The following NAALADL2 variants were observed in gnomAD, a reference collection of about 807,000 sequenced individuals.
NAALADL2 encodes the protein N-acetylated alpha-linked acidic dipeptidase like 2, also known as inactive N-acetylated-alpha-linked acidic dipeptidase-like protein 2.
Under a neutral mutation model 87.2 loss-of-function variants are expected in NAALADL2, and 76 were observed. The observed-to-expected ratio is 0.87, with a 90% CI of 0.72 to 1.05. The LOEUF (loss-of-function observed/expected upper bound fraction) is 1.05. NAALADL2 is among the 50% of genes least tolerant of loss of function. NAALADL2 has a pLI of 0.00. For missense variants in NAALADL2, 1,089 were observed against 945.8 expected, an observed-to-expected ratio of 1.15 and a Z score of -1.99; for synonymous variants, 354 against 331.0, an observed-to-expected ratio of 1.07 and a Z score of -0.75.
At chr3:174,704,225 A>G (rs1335821690) in intron 2 of NAALADL2, among the ~76,000 whole-genome samples, 1 of 152,120 alleles carries the variant, frequency 6.6e-6, no homozygotes, top group Non-Finnish European at 1.5e-5. Flanking sequence ...CTACAGTAGG[A>G]CCTTGAAAGA....
chr3:174,893,980 T>C (rs112224303), intron 1 of NAALADL2, among the ~76,000 whole-genome samples: 47 of 152,192 alleles, frequency 3.1e-4, no homozygotes, highest in Non-Finnish European at 5.9e-4. Flanking sequence ...AGAAACACTT[T>C]ACCTGTGAAG....
intron 10 of NAALADL2, among the ~76,000 whole-genome samples, chr3:175,623,283 T>A (rs1488309704): frequency 3.1e-5 from 2 of 64,962 alleles, no homozygotes; most frequent in Admixed American, 2.1e-4. Context: ...ATACAGCTTT[T>A]ATTTGTGCCT....
intron 5 of NAALADL2, among the ~76,000 whole-genome samples, chr3:175,421,120 T>C (rs1446903285): frequency 6.6e-6 from 1 of 152,034 alleles, no homozygotes; most frequent in Non-Finnish European, 1.5e-5. Context: ...TCAAGAATGA[T>C]TTCTTAAATC....
At chr3:175,510,781 A>T (rs13087888) in intron 9 of NAALADL2, among the ~76,000 whole-genome samples, 1 of 152,112 alleles carries the variant, frequency 6.6e-6, no homozygotes, top group Non-Finnish European at 1.5e-5. Flanking sequence ...GAATGCCTGG[A>T]TTTAAATCCC....
At chr3:174,971,729 G>A (rs1390527445) in intron 1 of NAALADL2, among the ~76,000 whole-genome samples, 2 of 147,348 alleles carry the variant, frequency 1.4e-5, no homozygotes, top group Non-Finnish European at 1.5e-5. Flanking sequence ...ACGGAGTCTC[G>A]CTCTTTTACC....
intron 8 of NAALADL2, among the ~76,000 whole-genome samples, chr3:175,469,681 T>C (rs530964420): frequency 6.6e-5 from 10 of 152,164 alleles, no homozygotes; most frequent in African/African-American, 2.4e-4. Context: ...ATATTATAGA[T>C]ATTGGAGTAA....
chr3:175,152,761 G>T (rs571480555), intron 2 of NAALADL2, among the ~76,000 whole-genome samples: 4 of 152,102 alleles, frequency 2.6e-5, no homozygotes, highest in South Asian at 2.1e-4. Flanking sequence ...CAAAAAATTA[G>T]CTGGGCTTGG....
At chr3:175,003,435 G>A (rs1297416572) in intron 1 of NAALADL2, among the ~76,000 whole-genome samples, 1 of 152,182 alleles carries the variant, frequency 6.6e-6, no homozygotes, top group Non-Finnish European at 1.5e-5. Context: ...AGAGGCATAG[G>A]TGTGAGAGGT....
chr3:174,721,409 C>T (rs1731694988), intron 2 of NAALADL2, among the ~76,000 whole-genome samples: 1 of 152,124 alleles, frequency 6.6e-6, no homozygotes, highest in Non-Finnish European at 1.5e-5. Flanking sequence ...AGTCTACCCT[C>T]CTGAAAATTC....
rs1723384416 is a variant in NAALADL2, at chr3:175,604,336, C to T, written c.1801-22955C>T. ...TTTTTTTTTTTGAGACAGAGTCTCG[C>T]TGTGTTGCCCTGGCTGGAGTACAGT... On this transcript the variant is annotated intron_variant, in intron 10 of 13. Transcript: ENST00000454872. Among the ~76,000 whole-genome samples, 2 of 125,966 alleles carry T rather than the reference C, an allele frequency of 1.6e-5. 1 individual carries two copies. The highest frequency in any genetic ancestry group is 6.1e-5 in the African/African-American group (2 of 32,882). 82.6% of individuals were successfully genotyped at this position (125,966 alleles called of 152,430 possible).
At chr3:174,773,785 G>A (rs481674) in intron 3 of NAALADL2, among the ~76,000 whole-genome samples, 80,253 of 151,830 alleles carry the variant, frequency 0.53, 21,593 homozygotes, top group Middle Eastern at 0.64. Context: ...AGAGCCTCAC[G>A]TTAGGTAGGT....
At chr3:175,296,667 A>G (rs1177958584) in intron 4 of NAALADL2, among the ~76,000 whole-genome samples, 1 of 152,186 alleles carries the variant, frequency 6.6e-6, no homozygotes, top group Non-Finnish European at 1.5e-5. Context: ...TCTAACGGCC[A>G]TATCCAAACC....
At chr3:175,032,759 A>G (rs1156483212) in intron 1 of NAALADL2, among the ~76,000 whole-genome samples, 1 of 152,056 alleles carries the variant, frequency 6.6e-6, no homozygotes, top group African/African-American at 2.4e-5. Flanking sequence ...ATTTTTCTCC[A>G]TAGCACTTTC....
At chr3:175,602,434 A>T (rs555022989) in intron 10 of NAALADL2, among the ~76,000 whole-genome samples, 1 of 149,142 alleles carries the variant, frequency 6.7e-6, no homozygotes, top group South Asian at 2.2e-4. Context: ...ATAATATGTT[A>T]TGTATTTATT....
At position 174,463,180 on chromosome 3, in the gene NAALADL2, A is replaced by G. The variant is rs542645334; in HGVS notation, c.-184+22148A>G. ...TTTTGTGAGATCCTGCAGAGAATCA[A>G]GCAAAATCTGCATTATAGTACATTA... On this transcript the variant is annotated intron_variant, in intron 1 of 3. Coordinates refer to the NAALADL2 transcript ENST00000434257. Among the ~76,000 whole-genome samples the G allele has an allele frequency of 4.6e-5, 7 of 152,314 alleles. No homozygotes were observed. The East Asian group carries it at 1.4e-3, about 29-fold the overall frequency.
intron 2 of NAALADL2, among the ~76,000 whole-genome samples, chr3:174,676,846 GTAGT>G (rs1324930620): frequency 2.6e-5 from 4 of 151,828 alleles, no homozygotes; most frequent in Admixed American, 6.6e-5. Flanking sequence ...TTTTTATCAT[GTAGT>G]TAGTGAATAA....
intron 9 of NAALADL2, among the ~76,000 whole-genome samples, chr3:175,513,212 A>G (rs1317111422): frequency 6.6e-6 from 1 of 152,196 alleles, no homozygotes; most frequent in Admixed American, 6.5e-5. Flanking sequence ...ACAATCCTGG[A>G]GACGAAAAGA....
chr3:175,159,321 T>G (rs2108828711), intron 2 of NAALADL2, among the ~76,000 whole-genome samples: 1 of 152,286 alleles, frequency 6.6e-6, no homozygotes, highest in East Asian at 1.9e-4. Context: ...TTAACCAGAA[T>G]TAAGTATATT....
chr3:174,675,441 C>T (rs149328058), intron 2 of NAALADL2, among the ~76,000 whole-genome samples: 363 of 152,038 alleles, frequency 2.4e-3, no homozygotes, highest in African/African-American at 8.6e-3. Context: ...GTGAAGTGTT[C>T]ACCACTTTCC....
Sources: allele counts gnomAD v4.1 joint callset (sites outside exome capture counted in the v4.1 genomes callset), GRCh38; gene constraint gnomAD v4.1.1; transcripts MANE v1.5; gene names NCBI Gene and HGNC (gene_info 2026-07-23, HGNC 2026-07-21).